The following MBD5 variants were observed in gnomAD, a reference collection of about 807,000 sequenced individuals.
MBD5 encodes methyl-CpG-binding domain protein 5.
Under a neutral mutation model 117.3 loss-of-function variants are expected in MBD5, and 13 were observed. The observed-to-expected ratio is 0.11, with a 90% CI of 0.07 to 0.18. The LOEUF (loss-of-function observed/expected upper bound fraction) is 0.18. Among genes scored for constraint, MBD5 ranks in the 10% least tolerant of loss-of-function variants. The pLI is 1.00. For synonymous variants in MBD5, 727 were observed against 766.4 expected (o/e 0.95, Z 0.85); for missense variants, 1,879 against 2,093.8 (o/e 0.90, Z 2.00).
intron 1 of MBD5, among the ~76,000 whole-genome samples, chr2:148,167,619 T>C (rs555719909): frequency 1.7e-4 from 26 of 152,308 alleles, no homozygotes; most frequent in African/African-American, 4.8e-4. Flanking sequence ...GTATGTCCAG[T>C]ACCCAAAAAT....
At position 148,187,884 on chromosome 2, in the gene MBD5, G is replaced by A. The variant is rs181005195; in HGVS notation, c.-831+9091G>A. On this transcript the variant is annotated intron_variant, in intron 2 of 13. Coordinates refer to ENST00000642680, the MANE Select transcript of MBD5 (RefSeq NM_001378120.1). ...TGTAAATAGATTGGTAAACATAAAA[G>A]ACTGTTGTTTATATATTTAAAAAGA... Among the ~76,000 whole-genome samples the A allele has an allele frequency of 3.3e-5, 5 of 152,272 alleles. No homozygotes were observed. In the East Asian group the frequency reaches 5.8e-4, roughly 18 times the overall value.
chr2:148,064,241 T>C (rs1335070254), intron 1 of MBD5, among the ~76,000 whole-genome samples: 1 of 149,704 alleles, frequency 6.7e-6, no homozygotes, highest in African/African-American at 2.5e-5. Flanking sequence ...TTCTCCCGCC[T>C]AGTAGCTGGG....
intron 4 of MBD5, among the ~76,000 whole-genome samples, chr2:148,379,621 T>C (rs138003009): frequency 3.3e-5 from 5 of 152,174 alleles, no homozygotes; most frequent in African/African-American, 4.8e-5. Context: ...TCCAATAAAA[T>C]CTATATAAAA....
At chr2:148,187,799 A>G (rs544244922) in intron 2 of MBD5, among the ~76,000 whole-genome samples, 1 of 152,318 alleles carries the variant, frequency 6.6e-6, no homozygotes, top group African/African-American at 2.4e-5. Context: ...CTTAAGGCAG[A>G]AGAAAAATGA....
Position 148,445,491 on chromosome 2 carries a change from A to G in MBD5, c.-556-12712A>G, listed in dbSNP as rs551766633. Among the ~76,000 whole-genome samples the G allele has an allele frequency of 9.9e-5, 15 of 151,430 alleles. No homozygotes were observed. In the South Asian group the frequency reaches 3.1e-3, roughly 31 times the overall value. ...TCATCAATTTTTATGGCTGCATAGT[A>G]TTCCATGGTGTATATGTGCCACATT... is the stretch of plus-strand genomic sequence containing the variant. On this transcript the variant is annotated intron_variant, in intron 4 of 13. Transcript: ENST00000642680.
chr2:148,319,779 T>C (rs1265359191), intron 3 of MBD5, among the ~76,000 whole-genome samples: 44 of 152,218 alleles, frequency 2.9e-4, no homozygotes, highest in Admixed American at 2.9e-3. Context: ...GGCAAGGACT[T>C]CCGGTACTGT....
Position 148,513,113 on chromosome 2 carries a change from G to A in MBD5, c.*172G>A. Reference sequence around the variant, plus strand: ...GATACAAAATTTTTTTGATCAGGAAGGATAATGAATGCTGGAAAAGCCAAT... The same window carrying A: ...GATACAAAATTTTTTTGATCAGGAAAGATAATGAATGCTGGAAAAGCCAAT... On this transcript the variant is annotated 3_prime_UTR_variant, in exon 14 of 14. Coordinates refer to ENST00000642680, the MANE Select transcript of MBD5 (RefSeq NM_001378120.1). 1 of 649,712 alleles carries A rather than the reference G, an allele frequency of 1.5e-6. No individual in the cohort carries two copies. The highest frequency in any genetic ancestry group is 2.7e-6 in the Non-Finnish European group (1 of 371,066). The allele number at this position is 649,712 out of a possible 1,614,324, so 40.2% of individuals were successfully genotyped here.
rs376759077 is a variant in MBD5, at chr2:148,251,592, G to A, written c.-680+18197G>A. 3.3e-4 allele frequency among the ~76,000 whole-genome samples: 51 copies of A among 152,248 alleles called. 2 individuals are homozygous for A. The South Asian group carries it at 9.1e-3, about 27-fold the overall frequency. On this transcript the variant is annotated intron_variant, in intron 3 of 13. Transcript: ENST00000642680. The stretch of plus-strand genomic sequence containing the variant: ...AATTTATTCATAGTATACATTTTAC[G>A]TAATTCCTATTCAATTGAAAATACC...
intron 3 of MBD5, among the ~76,000 whole-genome samples, chr2:148,278,054 C>G (rs990930150): frequency 6.6e-6 from 1 of 152,136 alleles, no homozygotes; most frequent in African/African-American, 2.4e-5. Context: ...AACCCCTCTC[C>G]CAACCTCAGC....
intron 2 of MBD5, among the ~76,000 whole-genome samples, chr2:148,217,527 C>T (rs547832295): frequency 6.6e-6 from 1 of 152,310 alleles, no homozygotes; most frequent in Admixed American, 6.5e-5. Flanking sequence ...CCTAAGCAGA[C>T]TTACTCTATG....
At chr2:148,430,276 G>A (rs1705942574) in intron 4 of MBD5, among the ~76,000 whole-genome samples, 1 of 152,132 alleles carries the variant, frequency 6.6e-6, no homozygotes, top group Admixed American at 6.6e-5. Flanking sequence ...TCATTTGGCA[G>A]ATAAGGGAAC....
intron 1 of MBD5, among the ~76,000 whole-genome samples, chr2:148,072,562 T>A (rs1329441674): frequency 1.3e-5 from 2 of 152,184 alleles, no homozygotes; most frequent in Non-Finnish European, 2.9e-5. Flanking sequence ...AACCAAAGGT[T>A]TGATTCAGCG....
chr2:148,043,455 A>ATAAATAAT (rs1694428654), intron 1 of MBD5, among the ~76,000 whole-genome samples: 1 of 39,862 alleles, frequency 2.5e-5, no homozygotes, highest in African/African-American at 1.6e-4. Context: ...TCCTTCTCAA[A>ATAAATAAT]TAAATAAATA....
chr2:148,376,321 G>A (rs1703985847), intron 4 of MBD5, among the ~76,000 whole-genome samples: 1 of 144,540 alleles, frequency 6.9e-6, no homozygotes, highest in South Asian at 2.2e-4. Context: ...AGGCTGGAGT[G>A]CAGCGGCGCA....
intron 4 of MBD5, among the ~76,000 whole-genome samples, chr2:148,378,096 G>T (rs931043494): frequency 6.6e-6 from 1 of 152,066 alleles, no homozygotes. Context: ...TATATGCAGG[G>T]AACTGTAGAT....
intron 2 of MBD5, among the ~76,000 whole-genome samples, chr2:148,221,486 GT>G (rs1699684871): frequency 6.6e-6 from 1 of 152,098 alleles, no homozygotes; most frequent in Non-Finnish European, 1.5e-5. Context: ...TCTCATTGTA[GT>G]TTGGATTTGC....
chr2:148,093,005 C>G (rs1175877474), intron 1 of MBD5, among the ~76,000 whole-genome samples: 4 of 151,832 alleles, frequency 2.6e-5, no homozygotes, highest in African/African-American at 9.7e-5. Flanking sequence ...GCAACTTCTG[C>G]CTTGAGGGTT....
chr2:148,272,820 G>T (rs1559000158), intron 3 of MBD5, among the ~76,000 whole-genome samples: 1 of 151,806 alleles, frequency 6.6e-6, no homozygotes, highest in South Asian at 2.1e-4. Flanking sequence ...ACTTTTTGTT[G>T]TCTGTGCTTT....
At chr2:148,099,761 T>A (rs1031884324) in intron 1 of MBD5, among the ~76,000 whole-genome samples, 3 of 152,240 alleles carry the variant, frequency 2.0e-5, no homozygotes, top group Admixed American at 2.0e-4. Context: ...AACTCCAGTT[T>A]ATCTTTGTTC....
Sources: allele counts gnomAD v4.1 joint callset (sites outside exome capture counted in the v4.1 genomes callset), GRCh38; gene constraint gnomAD v4.1.1; transcripts MANE v1.5; gene names NCBI Gene and HGNC (gene_info 2026-07-23, HGNC 2026-07-21).